The following MECOM variants were observed in gnomAD, a reference collection of about 807,000 sequenced individuals.
MECOM encodes MDS1 and EVI1 complex locus.
In MECOM, 13 loss-of-function variants were observed where a neutral mutation model predicts 116.3. The observed-to-expected ratio is 0.11, with a 90% CI of 0.07 to 0.18. The LOEUF (loss-of-function observed/expected upper bound fraction) is 0.18, where lower values mean the gene tolerates loss of function less well. MECOM is among the 10% of genes least tolerant of loss of function. MECOM has a pLI of 1.00. For missense variants in MECOM, 1,299 were observed against 1,509.0 expected (o/e 0.86, Z 2.31); for synonymous variants, 528 against 535.2 (o/e 0.99, Z 0.19).
intron 2 of MECOM, among the ~76,000 whole-genome samples, chr3:169,369,399 T>C (rs550518945): frequency 8.5e-4 from 118 of 139,184 alleles, no homozygotes; most frequent in South Asian, 7.0e-4. Flanking sequence ...CAGGCTGGAA[T>C]GCATTAGGAT....
At position 169,459,351 on chromosome 3, in the gene MECOM, G is replaced by A. The variant is rs141075918; in HGVS notation, c.38-77827C>T. Among the ~76,000 whole-genome samples, 1,159 of 152,254 alleles carry A rather than the reference G, an allele frequency of 7.6e-3. 13 individuals are homozygous for A. The highest frequency in any genetic ancestry group is 0.026 in the African/African-American group (1,084 of 41,536). On this transcript the variant is annotated intron_variant, in intron 1 of 16. Transcript: ENST00000651503. ...AATATTATTTACCCACTCCATACAT[G>A]AGATTTTTAGGAACATCTGGGTTGT...
intron 16 of MECOM, among the ~76,000 whole-genome samples, chr3:169,085,855 A>T (rs758556135): frequency 1.3e-5 from 2 of 152,230 alleles, no homozygotes; most frequent in Non-Finnish European, 2.9e-5. Flanking sequence ...CAAAATATTC[A>T]AATGAAATGT....
intron 2 of MECOM, among the ~76,000 whole-genome samples, chr3:169,321,429 A>G (rs1284703584): frequency 2.0e-5 from 3 of 152,122 alleles, no homozygotes; most frequent in African/African-American, 7.2e-5. Flanking sequence ...ACTCACAGCT[A>G]CTTGGGAGGC....
intron 1 of MECOM, among the ~76,000 whole-genome samples, chr3:169,429,157 A>G (rs4527425): frequency 0.12 from 17,556 of 152,246 alleles, 1,286 homozygotes; most frequent in East Asian, 0.3. Context: ...GGTAACAGCC[A>G]GAATGAAAAC....
chr3:169,477,105 G>GTATATATATA (rs1166256593), intron 1 of MECOM: 38 of 59,504 alleles, frequency 6.4e-4, no homozygotes, highest in Non-Finnish European at 8.5e-4. Flanking sequence ...GTGTGTGTGT[G>GTATATATATA]TATATATATA....
chr3:169,483,979 A>G, intron 1 of MECOM: 7 of 1,602,282 alleles, frequency 4.4e-6, no homozygotes, highest in Non-Finnish European at 6.0e-6. Context: ...GGTGGGTGCA[A>G]TCAAGAGTGA....
intron 2 of MECOM, among the ~76,000 whole-genome samples, chr3:169,205,073 T>G (rs1268866309): frequency 5.3e-5 from 8 of 152,170 alleles, no homozygotes; most frequent in African/African-American, 1.9e-4. Context: ...TGTTTAGACC[T>G]CATCTTGGAG....
intron 1 of MECOM, among the ~76,000 whole-genome samples, chr3:169,429,805 G>A (rs552830409): frequency 1.4e-4 from 21 of 152,140 alleles, no homozygotes; most frequent in South Asian, 1.2e-3. Context: ...ACTTCTCTAC[G>A]TCAGTGTATT....
chr3:169,158,894 TTG>T (rs1311157033), intron 2 of MECOM, among the ~76,000 whole-genome samples: 1 of 152,132 alleles, frequency 6.6e-6, no homozygotes, highest in African/African-American at 2.4e-5. Context: ...CCAAAATTTT[TTG>T]TGTGTGGTCC....
intron 2 of MECOM, among the ~76,000 whole-genome samples, chr3:169,292,771 T>C (rs1387829139): frequency 6.6e-6 from 1 of 152,162 alleles, no homozygotes; most frequent in Admixed American, 6.5e-5. Context: ...AATAGGAGAC[T>C]GAAGATCTGA....
intron 1 of MECOM, among the ~76,000 whole-genome samples, chr3:169,648,694 C>T (rs776613901): frequency 1.1e-4 from 16 of 152,184 alleles, no homozygotes; most frequent in South Asian, 4.1e-4. Flanking sequence ...GAGAAGGCAG[C>T]GCTTTTTATT....
chr3:169,146,532 G>C (rs765415400), intron 2 of MECOM: 12 of 1,378,460 alleles, frequency 8.7e-6, no homozygotes, highest in Non-Finnish European at 9.6e-6. Flanking sequence ...TTTCGCAGGA[G>C]GAACAAGGAA....
At chr3:169,525,800 G>A (rs538534886) in intron 1 of MECOM, among the ~76,000 whole-genome samples, 168 of 152,208 alleles carry the variant, frequency 1.1e-3, no homozygotes, top group African/African-American at 3.9e-3. Context: ...AGGCCGAGGC[G>A]GGTGGATCGC....
At position 169,208,569 on chromosome 3, in the gene MECOM, T is replaced by A. The variant is rs559237160; in HGVS notation, c.376-64737A>T. Reference sequence around the variant, plus strand: ...AGTAATGGCAGCACTTAGGACATATTTAGGCATATTTTATTTAAATTACCT... The same window carrying A: ...AGTAATGGCAGCACTTAGGACATATATAGGCATATTTTATTTAAATTACCT... On this transcript the variant is annotated intron_variant, in intron 2 of 16. Coordinates refer to ENST00000651503, the MANE Select transcript of MECOM (RefSeq NM_004991.4). Among the ~76,000 whole-genome samples the A allele has an allele frequency of 2.6e-5, 4 of 151,980 alleles. No individual in the cohort carries two copies. In the East Asian group the frequency reaches 7.7e-4, roughly 29 times the overall value.
At chr3:169,206,051 T>C (rs1749879158) in intron 2 of MECOM, among the ~76,000 whole-genome samples, 1 of 152,122 alleles carries the variant, frequency 6.6e-6, no homozygotes, top group African/African-American at 2.4e-5. Context: ...TGCTTGCCAA[T>C]GTCCACTCTT....
At chr3:169,250,755 C>T (rs1016322495) in intron 2 of MECOM, among the ~76,000 whole-genome samples, 1 of 151,820 alleles carries the variant, frequency 6.6e-6, no homozygotes. Flanking sequence ...TAAGGATTAA[C>T]AAAAAAGCAG....
chr3:169,090,054 T>A lies in MECOM; in HGVS notation c.3347A>T (p.Asp1116Val), dbSNP rs1427042599. ...TSNLHEGNPE[D>V]DYEETSALEM... ...CAGGGCACTGGTTTCTTCATAGTCA[T>A]CCTCAGGGTTTCCTTCATGTAAATT... Residue 1116 changes from aspartate to valine, a missense_variant, in exon 15 of 17, where the codon GAT becomes GTT. Asp to Val is a radical substitution (Grantham distance 152). Around this residue, in one of 6 missense-constraint regions of MECOM, gnomAD observed 273 missense variants for 289.3 expected, o/e 0.94. Transcript: ENST00000651503. 6.2e-7 allele frequency: 1 copy of A among 1,613,676 alleles called. No individual in the cohort carries two copies. The highest frequency in any genetic ancestry group is 1.7e-5 in the Admixed American group (1 of 59,972).
At chr3:169,175,025 T>C (rs1744940303) in intron 2 of MECOM, among the ~76,000 whole-genome samples, 1 of 152,196 alleles carries the variant, frequency 6.6e-6, no homozygotes, top group Non-Finnish European at 1.5e-5. Context: ...AGAGAATAGA[T>C]ACTAGAGTCT....
At chr3:169,203,494 T>C (rs1324694048) in intron 2 of MECOM, among the ~76,000 whole-genome samples, 1 of 152,180 alleles carries the variant, frequency 6.6e-6, no homozygotes, top group Non-Finnish European at 1.5e-5. Context: ...AAAGTTCTTA[T>C]AATAATGTCA....
Sources: gnomAD v4.1 joint callset for allele counts (sites outside exome capture counted in the v4.1 genomes callset) on GRCh38, gnomAD v4.1.1 for gene constraint, gnomAD v4.1.1 regional missense constraint, MANE v1.5 for transcripts, NCBI Gene and HGNC (gene_info 2026-07-23, HGNC 2026-07-21) for gene names.